The following SH3GLB1 variants were observed in gnomAD, a reference collection of about 807,000 sequenced individuals.
SH3GLB1 encodes SH3 domain containing GRB2 like, endophilin B1.
Under a neutral mutation model 42.0 loss-of-function variants are expected in SH3GLB1, and 17 were observed. That is an observed-to-expected ratio of 0.40 (90% confidence interval 0.28 to 0.61). The LOEUF is 0.61. SH3GLB1 is among the 20% of genes least tolerant of loss of function. The pLI is 0.36. For missense variants in SH3GLB1, 355 were observed against 426.3 expected (o/e 0.83, Z 1.47); for synonymous variants, 132 against 146.6 (o/e 0.90, Z 0.72).
At chr1:86,726,543 T>A (rs1177866535) in intron 5 of SH3GLB1, among the ~76,000 whole-genome samples, 1 of 152,058 alleles carries the variant, frequency 6.6e-6, no homozygotes, top group Non-Finnish European at 1.5e-5. Context: ...CAAATGATTT[T>A]ATTCAGTTCA....
chr1:86,710,945 A>G (rs1027007133), intron 1 of SH3GLB1, among the ~76,000 whole-genome samples: 4 of 152,180 alleles, frequency 2.6e-5, no homozygotes, highest in African/African-American at 9.7e-5. Context: ...ATAAATGCCA[A>G]TATATGAGCT....
rs911763600 is a variant in SH3GLB1, at chr1:86,744,357, A to T, written c.*1122A>T. ...TGAGGGCCAGATACTGTGCTGGTCA[A>T]CTGGGGATACTGTCCTGAACAATAT... is the stretch of plus-strand genomic sequence containing the variant. On this transcript the variant is annotated 3_prime_UTR_variant, in exon 9 of 9. Transcript: ENST00000370558. The T allele has an allele frequency of 1.3e-5, 2 of 152,222 alleles. No individual in the cohort carries two copies. The highest frequency in any genetic ancestry group is 1.3e-4 in the Admixed American group (2 of 15,280). The allele number at this position is 152,222 out of a possible 1,614,324, so 9.4% of individuals were successfully genotyped here.
At chr1:86,726,169 T>C (rs1254244833) in intron 5 of SH3GLB1, among the ~76,000 whole-genome samples, 6 of 152,124 alleles carry the variant, frequency 3.9e-5, no homozygotes, top group African/African-American at 7.2e-5. Flanking sequence ...AGAATGTCTT[T>C]ATTCAAGATG....
chr1:86,718,331 C>T (rs1470641491), intron 2 of SH3GLB1, among the ~76,000 whole-genome samples: 1 of 152,156 alleles, frequency 6.6e-6, no homozygotes, highest in Non-Finnish European at 1.5e-5. Flanking sequence ...CAGGCATGTA[C>T]CACCACACCG....
intron 1 of SH3GLB1, among the ~76,000 whole-genome samples, chr1:86,707,103 G>T (rs1390606567): frequency 6.6e-6 from 1 of 152,178 alleles, no homozygotes; most frequent in African/African-American, 2.4e-5. Flanking sequence ...AGATAAGCTT[G>T]TAAATACATC....
intron 2 of SH3GLB1, among the ~76,000 whole-genome samples, chr1:86,717,686 C>T (rs553614956): frequency 6.7e-4 from 102 of 152,070 alleles, no homozygotes; most frequent in East Asian, 2.5e-3. Flanking sequence ...CCTCCCAAAG[C>T]GCTGGGATTA....
chr1:86,722,569 C>CA lies in SH3GLB1; in HGVS notation c.379dup (p.Arg127LysfsTer34). On this transcript the variant is annotated frameshift_variant, in exon 4 of 9. Coordinates refer to ENST00000370558, the MANE Select transcript of SH3GLB1 (RefSeq NM_016009.5). LOFTEE classifies it high-confidence loss of function. The stretch of plus-strand genomic sequence containing the variant: ...TGCCCTTATTAAATGTGGAGAAACC[C>CA]AAAAAAGAATTGGAACAGCAGACAG... 6.3e-7 allele frequency: 1 copy of CA among 1,598,140 alleles called. No homozygotes were observed. Among genetic ancestry groups the CA allele is most frequent in the Non-Finnish European group, 8.5e-7 (1 of 1,173,584 alleles).
chr1:86,705,120 C>G, intron 1 of SH3GLB1, 149 bp downstream of exon 1: 1 of 528,508 alleles, frequency 1.9e-6, no homozygotes, highest in Non-Finnish European at 3.3e-6. Flanking sequence ...GGCCTGGTCC[C>G]CTCCCCGGGC....
intron 1 of SH3GLB1, among the ~76,000 whole-genome samples, chr1:86,712,351 A>T (rs1366910230): frequency 1.3e-5 from 2 of 152,196 alleles, no homozygotes; most frequent in East Asian, 3.8e-4. Flanking sequence ...ATAGTAATAG[A>T]AATAGAAAAT....
chr1:86,724,892 A>AAAAAAAAAAATATATATATATATAT (rs1291454820), intron 5 of SH3GLB1, among the ~76,000 whole-genome samples: 2 of 99,682 alleles, frequency 2.0e-5, no homozygotes, highest in Non-Finnish European at 3.7e-5. Context: ...AAAAAAAAAA[A>AAAAAAAAAAATATATATATATATAT]ATATATATAT....
At chr1:86,732,508 C>T (rs1655563685) in intron 5 of SH3GLB1, among the ~76,000 whole-genome samples, 2 of 152,108 alleles carry the variant, frequency 1.3e-5, no homozygotes, top group South Asian at 4.1e-4. Flanking sequence ...TTATATATGC[C>T]AGAAGTATAG....
rs1170217890 is a variant in SH3GLB1, at chr1:86,746,929, C to T, written c.*3694C>T. 1 of 152,226 alleles carries T rather than the reference C, an allele frequency of 6.6e-6. No individual in the cohort carries two copies. Among genetic ancestry groups the T allele is most frequent in the African/African-American group, 2.4e-5 (1 of 41,398 alleles). 9.4% of individuals were successfully genotyped at this position (152,226 alleles called of 1,614,324 possible). A position where few individuals can be genotyped will look rare whatever the true frequency, so the allele number is the denominator to read the frequency against. The stretch of plus-strand genomic sequence containing the variant: ...ATTGGCAAAGTGTGAGACCCCAGAC[C>T]GGCAATATTGGCATCTCCTGGAGAC... On this transcript the variant is annotated 3_prime_UTR_variant, in exon 9 of 9. Transcript: ENST00000370558.
At chr1:86,710,528 G>A (rs903027242) in intron 1 of SH3GLB1, among the ~76,000 whole-genome samples, 1 of 152,084 alleles carries the variant, frequency 6.6e-6, no homozygotes, top group African/African-American at 2.4e-5. Flanking sequence ...GCCTCCCAAA[G>A]TGCTGGGATT....
chr1:86,719,705 ATAT>A, intron 3 of SH3GLB1, 70 bp downstream of exon 3: 1 of 1,444,560 alleles, frequency 6.9e-7, no homozygotes, highest in Non-Finnish European at 9.4e-7. Flanking sequence ...TGTCATTAAC[ATAT>A]TAGTAGGCCG....
intron 7 of SH3GLB1, among the ~76,000 whole-genome samples, chr1:86,741,521 A>G (rs1453154655): frequency 6.6e-6 from 1 of 152,212 alleles, no homozygotes; most frequent in African/African-American, 2.4e-5. Context: ...AAAAAATAGC[A>G]CAAATGAACT....
chr1:86,724,746 C>T (rs1321933632), intron 5 of SH3GLB1, among the ~76,000 whole-genome samples: 3 of 151,370 alleles, frequency 2.0e-5, no homozygotes, highest in Non-Finnish European at 2.9e-5. Flanking sequence ...TGGTGGCACC[C>T]ACCTGTAGTC....
At chr1:86,708,259 C>T (rs1033507694) in intron 1 of SH3GLB1, among the ~76,000 whole-genome samples, 1 of 152,084 alleles carries the variant, frequency 6.6e-6, no homozygotes, top group Non-Finnish European at 1.5e-5. Flanking sequence ...CAGTATAATG[C>T]CAAAGTACCA....
intron 5 of SH3GLB1, among the ~76,000 whole-genome samples, chr1:86,726,041 A>G (rs1054686600): frequency 7.2e-5 from 11 of 152,092 alleles, no homozygotes; most frequent in Admixed American, 5.9e-4. Context: ...GAATTCTTTT[A>G]TTAGTTTCTA....
intron 6 of SH3GLB1, 94 bp downstream of exon 6, chr1:86,734,785 T>A (rs1268136268): frequency 1.2e-6 from 1 of 811,418 alleles, no homozygotes; most frequent in Non-Finnish European, 2.0e-6. Flanking sequence ...CAGTCATTCA[T>A]CAAGGAAATT....
Sources: gnomAD v4.1 joint callset for allele counts (sites outside exome capture counted in the v4.1 genomes callset) on GRCh38, gnomAD v4.1.1 for gene constraint, MANE v1.5 for transcripts, NCBI Gene and HGNC (gene_info 2026-07-23, HGNC 2026-07-21) for gene names.